Variants in ZMYM5 observed in about 807,000 individuals in gnomAD.
ZMYM5 encodes the protein zinc finger MYM-type protein 5.
ZMYM5 carries 41 observed loss-of-function variants against 61.8 expected under a neutral mutation model. That is an observed-to-expected ratio of 0.66 (90% confidence interval 0.52 to 0.86). ZMYM5 has a LOEUF of 0.86. ZMYM5 is among the 40% of genes least tolerant of loss of function. ZMYM5 has a pLI of 0.00. For synonymous variants in ZMYM5, 257 were observed against 276.4 expected, an observed-to-expected ratio of 0.93 and a Z score of 0.70; for missense variants, 706 against 786.7, an observed-to-expected ratio of 0.90 and a Z score of 1.23.
chr13:19,826,525 G>A (rs1890924904), intron 7 of ZMYM5, among the ~76,000 whole-genome samples: 1 of 152,104 alleles, frequency 6.6e-6, no homozygotes. Flanking sequence ...GGGAGGCCGA[G>A]GTGGGGGGAT....
intron 6 of ZMYM5, among the ~76,000 whole-genome samples, chr13:19,836,714 A>G (rs900033577): frequency 2.6e-5 from 4 of 152,222 alleles, no homozygotes; most frequent in African/African-American, 7.2e-5. Context: ...TCGTGTCTGT[A>G]TAACCAGAAG....
chr13:19,855,749 T>C (rs1593915749), intron 2 of ZMYM5, among the ~76,000 whole-genome samples: 1 of 150,752 alleles, frequency 6.6e-6, no homozygotes, highest in Non-Finnish European at 1.5e-5. Context: ...CAGTGGCTCA[T>C]GCCTGTAATC....
At chr13:19,847,895 C>T (rs1470216849) in intron 4 of ZMYM5, among the ~76,000 whole-genome samples, 7 of 145,494 alleles carry the variant, frequency 4.8e-5, no homozygotes, top group African/African-American at 1.8e-4. Flanking sequence ...CCTCGTGATC[C>T]GCCCACCTCG....
At chr13:19,851,510 C>A in intron 3 of ZMYM5, 62 bp from the exon 4 acceptor site, 1 of 1,582,092 alleles carries the variant, frequency 6.3e-7, no homozygotes, top group South Asian at 1.1e-5. Context: ...TGACTGAAGT[C>A]CTTTAGCGAC....
rs145651791 is a variant in ZMYM5 at position 19,845,500 on chromosome 13, G to A, written c.586+5855C>T. ...CAATTCTGATGCTAATGTACTCAGA[G>A]TTAGCATGAGACCCCACAAGTTTAA... is the stretch of plus-strand genomic sequence containing the variant. On this transcript the variant is annotated intron_variant, in intron 4 of 7. Coordinates refer to ENST00000337963, the MANE Select transcript of ZMYM5 (RefSeq NM_001142684.2). Among the ~76,000 whole-genome samples the A allele has an allele frequency of 5.9e-3, 901 of 152,274 alleles. 12 individuals are homozygous for A. Among genetic ancestry groups the A allele is most frequent in the African/African-American group, 0.02 (851 of 41,552 alleles).
Position 19,824,452 on chromosome 13 carries a change from C to G in ZMYM5, c.*25G>C. 1 of 1,271,934 alleles carries G rather than the reference C, an allele frequency of 7.9e-7. No individual in the cohort carries two copies. 78.8% of individuals were successfully genotyped at this position (1,271,934 alleles called of 1,614,324 possible). The stretch of plus-strand genomic sequence containing the variant: ...CTGAGTAATGTAAGATTCTGATCAT[C>G]ATGCCAAAAAACAACTCAGGTATAT... On this transcript the variant is annotated 3_prime_UTR_variant, in exon 8 of 8. Coordinates refer to ENST00000337963, the MANE Select transcript of ZMYM5 (RefSeq NM_001142684.2).
In ZMYM5 at chr13:19,837,841, C is replaced by T; in HGVS notation, c.873-20G>A. 6.4e-7 allele frequency: 1 copy of T among 1,568,750 alleles called. No individual in the cohort carries two copies. The highest frequency in any genetic ancestry group is 8.6e-7 in the Non-Finnish European group (1 of 1,169,138). ...GCATCTCTGAAACAGAAGGGATAGA[C>T]ACATAATTTAAGAACACTGAATTTT... On this transcript the variant is annotated intron_variant, in intron 5 of 7. Coordinates refer to ENST00000337963, the MANE Select transcript of ZMYM5 (RefSeq NM_001142684.2).
chr13:19,862,675 T>C (rs1953815154), intron 1 of ZMYM5, among the ~76,000 whole-genome samples: 2 of 152,012 alleles, frequency 1.3e-5, no homozygotes, highest in African/African-American at 4.8e-5. Context: ...TTCGTCCAAC[T>C]GCAGTACTGG....
chr13:19,863,044 G>A (rs998783342), intron 1 of ZMYM5, among the ~76,000 whole-genome samples: 2 of 152,234 alleles, frequency 1.3e-5, no homozygotes, highest in Admixed American at 6.5e-5. Flanking sequence ...AAAACCTGGG[G>A]ACCTCGGCTC....
intron 2 of ZMYM5, among the ~76,000 whole-genome samples, chr13:19,859,894 A>G (rs1953665067): frequency 6.6e-6 from 1 of 150,510 alleles, no homozygotes; most frequent in Admixed American, 6.6e-5. Context: ...CACTTAGGTC[A>G]GGAGTTCGAG....
chr13:19,829,462 G>GT (rs898420119), intron 7 of ZMYM5, among the ~76,000 whole-genome samples: 7 of 151,750 alleles, frequency 4.6e-5, no homozygotes, highest in South Asian at 4.2e-4. Flanking sequence ...TAATTTTTAA[G>GT]TTTTTTTTGT....
At chr13:19,842,614 A>G (rs2138556223) in intron 4 of ZMYM5, among the ~76,000 whole-genome samples, 1 of 151,678 alleles carries the variant, frequency 6.6e-6, no homozygotes, top group South Asian at 2.1e-4. Context: ...CTACAAAAAG[A>G]CTATCCTTTT....
At chr13:19,858,632 C>T (rs949567822) in intron 2 of ZMYM5, among the ~76,000 whole-genome samples, 4 of 136,450 alleles carry the variant, frequency 2.9e-5, no homozygotes, top group African/African-American at 1.0e-4. Flanking sequence ...TCACATACAA[C>T]TAACTTCGTT....
At chr13:19,830,824 T>C (rs1207884332) in intron 7 of ZMYM5, among the ~76,000 whole-genome samples, 1 of 148,886 alleles carries the variant, frequency 6.7e-6, no homozygotes, top group African/African-American at 2.5e-5. Flanking sequence ...GCCAACTGTT[T>C]ATGAGTTACT....
intron 7 of ZMYM5, among the ~76,000 whole-genome samples, 181 bp downstream of exon 7, chr13:19,835,295 CA>C (rs1952640755): frequency 1.3e-5 from 2 of 152,010 alleles, no homozygotes; most frequent in Non-Finnish European, 2.9e-5. Context: ...GCACCCAGCC[CA>C]AAGAAAATTT....
intron 5 of ZMYM5, 47 bp from the exon 6 acceptor site, chr13:19,837,868 A>T (rs766925869): frequency 6.5e-7 from 1 of 1,542,152 alleles, no homozygotes; most frequent in Non-Finnish European, 8.7e-7. Context: ...CTGAATTTTA[A>T]TACAAGTCAA....
intron 7 of ZMYM5, among the ~76,000 whole-genome samples, chr13:19,834,734 C>T (rs1017248755): frequency 1.3e-5 from 2 of 152,066 alleles, no homozygotes; most frequent in South Asian, 2.1e-4. Context: ...TCTGTCACCC[C>T]GGCTGGAATG....
chr13:19,852,165 C>T lies in ZMYM5; in HGVS notation c.16G>A (p.Val6Met). 1.3e-6 allele frequency: 2 copies of T among 1,596,686 alleles called. No homozygotes were observed. Among genetic ancestry groups the T allele is most frequent in the Non-Finnish European group, 1.7e-6 (2 of 1,174,560 alleles). ...TGTTCAGTCAACTCTAATCCTCCCACTGAACATTTTTCCATGCCAATGAAC... is the reference window on the plus strand; with the variant it reads ...TGTTCAGTCAACTCTAATCCTCCCATTGAACATTTTTCCATGCCAATGAAC... MEKCS[V>M]GGLELTEQTP... is the part of the protein sequence containing the mutation. Residue 6 changes from valine (V) to methionine (M), a missense_variant, in exon 3 of 8, where the codon GTG (valine) becomes ATG (methionine). Coordinates refer to ENST00000337963, the MANE Select transcript of ZMYM5 (RefSeq NM_001142684.2).
chr13:19,826,662 G>A (rs888988611), intron 7 of ZMYM5, among the ~76,000 whole-genome samples: 1 of 151,118 alleles, frequency 6.6e-6, no homozygotes, highest in Non-Finnish European at 1.5e-5. Flanking sequence ...GGCTGAGGCA[G>A]AACACTGCTT....
Sources: gnomAD v4.1 joint callset for allele counts (sites outside exome capture counted in the v4.1 genomes callset) on GRCh38, gnomAD v4.1.1 for gene constraint, MANE v1.5 for transcripts, NCBI Gene and HGNC (gene_info 2026-07-23, HGNC 2026-07-21) for gene names.